TRAK1: variants seen among roughly 807,000 people sequenced by gnomAD.
TRAK1 encodes trafficking kinesin protein 1.
Under a neutral mutation model 92.1 loss-of-function variants are expected in TRAK1, and 33 were observed. The ratio of observed to expected loss-of-function variants is 0.36; its 90% CI spans 0.27 to 0.48. The LOEUF is 0.48. TRAK1 is among the 20% of genes least tolerant of loss of function. TRAK1 has a pLI of 0.99. For missense variants in TRAK1, 1,123 were observed against 1,257.9 expected (o/e 0.89, Z 1.62); for synonymous variants, 521 against 517.3 (o/e 1.01, Z -0.10).
intron 1 of TRAK1, among the ~76,000 whole-genome samples, chr3:42,024,020 G>A (rs968418019): frequency 6.6e-6 from 1 of 152,114 alleles, no homozygotes; most frequent in African/African-American, 2.4e-5. Context: ...CCCCCAAAGT[G>A]CTGGGATTAC....
At chr3:42,187,969 A>C (rs1398601365) in intron 4 of TRAK1, 76 bp from the exon 5 acceptor site, 1 of 1,191,432 alleles carries the variant, frequency 8.4e-7, no homozygotes, top group Non-Finnish European at 1.2e-6. Flanking sequence ...CCTAAGTGTT[A>C]AGTGTTGGAA....
At chr3:42,024,334 A>G (rs1701839898) in intron 1 of TRAK1, among the ~76,000 whole-genome samples, 1 of 152,182 alleles carries the variant, frequency 6.6e-6, no homozygotes, top group South Asian at 2.1e-4. Flanking sequence ...GGGTTTGTTT[A>G]TACATAGTAG....
chr3:42,140,574 C>T (rs1698520750), intron 2 of TRAK1, among the ~76,000 whole-genome samples: 1 of 152,162 alleles, frequency 6.6e-6, no homozygotes, highest in Non-Finnish European at 1.5e-5. Flanking sequence ...TTGCAGTGAG[C>T]CGAGATCGCA....
chr3:42,046,215 A>G (rs1049740065), intron 1 of TRAK1, among the ~76,000 whole-genome samples: 2 of 152,118 alleles, frequency 1.3e-5, no homozygotes, highest in Admixed American at 6.5e-5. Context: ...GAAACTTAAC[A>G]TGGGTAGCAG....
rs11370773 is a variant in TRAK1, at chr3:42,160,558, G to GTTTTTTTT, written c.287-16252_287-16251insTTTTTTTT. 5 of 1,080,416 alleles carry GTTTTTTTT rather than the reference G, an allele frequency of 4.6e-6. 1 individual carries two copies. The highest frequency in any genetic ancestry group is 1.7e-5 in the African/African-American group (1 of 60,216). The allele number at this position is 1,080,416 out of a possible 1,614,324, so 66.9% of individuals were successfully genotyped here. A position where few individuals can be genotyped will look rare whatever the true frequency, so the allele number is the denominator to read the frequency against. The stretch of plus-strand genomic sequence containing the variant: ...AATGTTTTGCTGATTTCATAGCACT[G>GTTTTTTTT]TTTTGTTTTTGTTTTTTTTTAAGTT... On this transcript the variant is annotated intron_variant, in intron 2 of 15. Coordinates refer to ENST00000327628, the MANE Select transcript of TRAK1 (RefSeq NM_001042646.3).
chr3:42,124,408 G>A (rs1451619863), intron 1 of TRAK1, among the ~76,000 whole-genome samples: 2 of 152,208 alleles, frequency 1.3e-5, no homozygotes, highest in African/African-American at 2.4e-5. Flanking sequence ...TCACCCATTA[G>A]CACTTATTTA....
At chr3:42,191,464 G>T in intron 6 of TRAK1, 94 bp from the exon 7 acceptor site, 1 of 1,123,040 alleles carries the variant, frequency 8.9e-7, no homozygotes, top group Non-Finnish European at 1.3e-6. Context: ...CAGCTTCCCA[G>T]ACCCCAGTTA....
At chr3:42,205,347 G>A (rs1452893814) in intron 13 of TRAK1, among the ~76,000 whole-genome samples, 5 of 151,974 alleles carry the variant, frequency 3.3e-5, no homozygotes, top group African/African-American at 1.2e-4. Context: ...CCTGGGGTGA[G>A]GTCCCTAGAG....
In TRAK1 at chr3:42,079,572, C is replaced by T. The variant is rs192494199; in HGVS notation, c.-518-7532C>T. On this transcript the variant is annotated intron_variant, in intron 1 of 16. Coordinates refer to the TRAK1 transcript ENST00000487159. ...CTCGGCTTACTGCAACCTCTGCCTT[C>T]GGGTTCAAGCAATTCTCCTGCCTCA... is the stretch of plus-strand genomic sequence containing the variant. Among the ~76,000 whole-genome samples the T allele has an allele frequency of 1.1e-4, 17 of 148,640 alleles. 1 individual carries two copies. In the Middle Eastern group the frequency reaches 0.014, roughly 124 times the overall value.
rs1043692486 is a variant in TRAK1, at chr3:42,220,433, G to C, written c.2066+837G>C. ...GGTGTAAGATGCTGGGTTGCTGGAA[G>C]GTAAAGCAGAAGGGGTGGGAACAGT... On this transcript the variant is annotated intron_variant, in intron 15 of 15. Coordinates refer to ENST00000327628, the MANE Select transcript of TRAK1 (RefSeq NM_001042646.3). The C allele has an allele frequency of 6.2e-6, 6 of 971,068 alleles. No homozygotes were observed. In the African/African-American group the frequency reaches 1.1e-4, roughly 17 times the overall value. 60.2% of individuals were successfully genotyped at this position (971,068 alleles called of 1,614,324 possible). A position where few individuals can be genotyped will look rare whatever the true frequency, so the allele number is the denominator to read the frequency against.
chr3:42,027,632 GA>G (rs1253233434), intron 1 of TRAK1, among the ~76,000 whole-genome samples: 1 of 151,958 alleles, frequency 6.6e-6, no homozygotes, highest in Non-Finnish European at 1.5e-5. Context: ...TTTAGTTGTA[GA>G]AAATATTTTT....
intron 1 of TRAK1, among the ~76,000 whole-genome samples, chr3:42,096,842 C>T (rs890304515): frequency 1.3e-5 from 2 of 152,148 alleles, no homozygotes; most frequent in Non-Finnish European, 2.9e-5. Context: ...TTAAATGGTG[C>T]CTCAAGCACC....
chr3:42,016,268 G>A (rs1028541131), intron 1 of TRAK1, among the ~76,000 whole-genome samples: 79 of 151,922 alleles, frequency 5.2e-4, no homozygotes, highest in African/African-American at 1.4e-3. Context: ...GCAGTGGTGC[G>A]ATCTTGGCTC....
At chr3:42,027,299 G>A (rs1306618231) in intron 1 of TRAK1, among the ~76,000 whole-genome samples, 1 of 152,070 alleles carries the variant, frequency 6.6e-6, no homozygotes, top group Admixed American at 6.5e-5. Context: ...CGAGACGGGC[G>A]GATCACGAGG....
intron 2 of TRAK1, among the ~76,000 whole-genome samples, chr3:42,169,142 C>CT (rs1702229445): frequency 1.6e-5 from 1 of 62,126 alleles, no homozygotes; most frequent in Non-Finnish European, 3.1e-5. Flanking sequence ...TATTTTCTTT[C>CT]TTTCTTTTTT....
chr3:42,139,868 C>T (rs1177525936), intron 2 of TRAK1, among the ~76,000 whole-genome samples: 4 of 152,176 alleles, frequency 2.6e-5, no homozygotes, highest in Non-Finnish European at 4.4e-5. Flanking sequence ...TGAGTTTTGG[C>T]GTGAATGGAA....
At chr3:42,196,484 T>C (rs946989490) in intron 10 of TRAK1, among the ~76,000 whole-genome samples, 3 of 152,170 alleles carry the variant, frequency 2.0e-5, no homozygotes, top group Admixed American at 1.3e-4. Context: ...GCTTGTGACT[T>C]TGTCATCATT....
At chr3:42,180,677 CAAAAAA>C (rs33959095) in intron 3 of TRAK1, among the ~76,000 whole-genome samples, 10 of 87,124 alleles carry the variant, frequency 1.1e-4, no homozygotes, top group African/African-American at 1.8e-4. Flanking sequence ...AGACCTGTCT[CAAAAAA>C]AAAAAAAAAA....
intron 10 of TRAK1, among the ~76,000 whole-genome samples, chr3:42,197,000 TCTCA>T (rs71078421): frequency 0.26 from 33,396 of 130,204 alleles, 4,085 homozygotes; most frequent in East Asian, 0.42. Flanking sequence ...TCTCTCTCTC[TCTCA>T]CACACACACA....
Sources: gnomAD v4.1 joint callset for allele counts (sites outside exome capture counted in the v4.1 genomes callset) on GRCh38, gnomAD v4.1.1 for gene constraint, MANE v1.5 for transcripts, NCBI Gene and HGNC (gene_info 2026-07-23, HGNC 2026-07-21) for gene names.